Variants in TMTC1 observed in about 807,000 individuals in gnomAD.
TMTC1 encodes transmembrane O-mannosyltransferase targeting cadherins 1.
Under a neutral mutation model 104.8 loss-of-function variants are expected in TMTC1, and 73 were observed. The ratio of observed to expected loss-of-function variants is 0.70; its 90% CI spans 0.58 to 0.85. TMTC1 has a LOEUF of 0.85. Ranked by LOEUF, TMTC1 falls within the 40% of genes least tolerant of loss-of-function variation. The probability of loss-of-function intolerance (pLI) is 0.00; values close to 1 mark genes in which losing one functional copy is unlikely to be tolerated. For missense variants in TMTC1, 1,035 were observed against 1,096.1 expected (o/e 0.94, Z 0.79); for synonymous variants, 434 against 428.7 (o/e 1.01, Z -0.15).
chr12:29,762,493 T>A (rs1438468097), intron 2 of TMTC1, among the ~76,000 whole-genome samples: 1 of 152,240 alleles, frequency 6.6e-6, no homozygotes, highest in African/African-American at 2.4e-5. Flanking sequence ...GGTATCTTAA[T>A]TGTGAACTTT....
intron 5 of TMTC1, among the ~76,000 whole-genome samples, chr12:29,684,637 G>A (rs1335085356): frequency 6.6e-6 from 1 of 152,012 alleles, no homozygotes; most frequent in East Asian, 1.9e-4. Context: ...AAAATACACT[G>A]ATCATTGGTG....
chr12:29,515,032 TC>T lies in TMTC1; in HGVS notation c.2308-429del, dbSNP rs1354180120. ...CTTGTCTCAAATATATATACATTCT[TC>T]ATTATCTTTGATTTTCTCACTGGGA... On this transcript the variant is annotated intron_variant, in intron 15 of 17. Coordinates refer to ENST00000539277, the MANE Select transcript of TMTC1 (RefSeq NM_001193451.2). Among the ~76,000 whole-genome samples the T allele has an allele frequency of 3.9e-5, 6 of 152,144 alleles. No homozygotes were observed. In the South Asian group the frequency reaches 1.0e-3, roughly 26 times the overall value.
chr12:29,700,597 A>T (rs1941560517), intron 5 of TMTC1, among the ~76,000 whole-genome samples: 1 of 152,152 alleles, frequency 6.6e-6, no homozygotes, highest in Non-Finnish European at 1.5e-5. Context: ...TCTGGAGAGA[A>T]GCTGGAATTT....
chr12:29,710,955 T>TATA (rs1385515606), intron 5 of TMTC1, among the ~76,000 whole-genome samples: 1 of 65,766 alleles, frequency 1.5e-5, no homozygotes. Context: ...AATATATATA[T>TATA]AAATATATTA....
intron 5 of TMTC1, among the ~76,000 whole-genome samples, chr12:29,659,312 A>G (rs1313883751): frequency 6.6e-6 from 1 of 152,184 alleles, no homozygotes; most frequent in African/African-American, 2.4e-5. Context: ...GTGGAGGCCT[A>G]GTGGGAGGTG....
chr12:29,655,998 T>C (rs1939736053), intron 5 of TMTC1, among the ~76,000 whole-genome samples: 1 of 151,968 alleles, frequency 6.6e-6, no homozygotes, highest in African/African-American at 2.4e-5. Flanking sequence ...AGAAGAAGCA[T>C]CAAGGAGCCA....
At chr12:29,732,369 A>G (rs990065251) in intron 5 of TMTC1, among the ~76,000 whole-genome samples, 2 of 152,214 alleles carry the variant, frequency 1.3e-5, no homozygotes, top group African/African-American at 4.8e-5. Context: ...TTTCAGTGGG[A>G]GTGAGCAGAG....
At chr12:29,629,079 G>T (rs1489528493) in intron 6 of TMTC1, among the ~76,000 whole-genome samples, 5 of 151,956 alleles carry the variant, frequency 3.3e-5, no homozygotes. Context: ...CAGCACTGTG[G>T]GAGGCCGAGG....
intron 5 of TMTC1, among the ~76,000 whole-genome samples, chr12:29,731,588 T>C (rs1369355760): frequency 6.6e-6 from 1 of 152,190 alleles, no homozygotes; most frequent in East Asian, 1.9e-4. Context: ...TTTGAATTTT[T>C]GCAATCAGAC....
In TMTC1 at chr12:29,745,975, C is replaced by T. The variant is rs1592003491; in HGVS notation, c.938+5691G>A. ...AATTCCATAGTGAAATGTGGACCAG[C>T]TTATTTATACACAAAGCAAGGGAAG... On this transcript the variant is annotated intron_variant, in intron 5 of 17. Coordinates refer to ENST00000539277, the MANE Select transcript of TMTC1 (RefSeq NM_001193451.2). 2.0e-5 allele frequency among the ~76,000 whole-genome samples: 3 copies of T among 152,082 alleles called. No individual in the cohort carries two copies. In the South Asian group the frequency reaches 6.2e-4, roughly 32 times the overall value.
intron 5 of TMTC1, among the ~76,000 whole-genome samples, chr12:29,655,147 C>T (rs1434989001): frequency 2.6e-5 from 4 of 152,140 alleles, no homozygotes; most frequent in African/African-American, 9.7e-5. Flanking sequence ...TCCCAAAGTG[C>T]TGGGATTACA....
intron 10 of TMTC1, among the ~76,000 whole-genome samples, chr12:29,539,729 G>A (rs1241421420): frequency 6.6e-6 from 1 of 152,160 alleles, no homozygotes; most frequent in Non-Finnish European, 1.5e-5. Flanking sequence ...CTCTTAGTAG[G>A]ATGCCCTCCG....
At chr12:29,593,154 G>C (rs1282404679) in intron 7 of TMTC1, among the ~76,000 whole-genome samples, 1 of 152,206 alleles carries the variant, frequency 6.6e-6, no homozygotes, top group Admixed American at 6.5e-5. Flanking sequence ...TCTGCCATCC[G>C]TGAGTTCTGT....
chr12:29,719,236 T>A (rs2136873548), intron 5 of TMTC1, among the ~76,000 whole-genome samples: 1 of 152,316 alleles, frequency 6.6e-6, no homozygotes, highest in Non-Finnish European at 1.5e-5. Flanking sequence ...TGGCATCTGG[T>A]TTTTATCTTT....
At chr12:29,523,090 A>T (rs1297560272) in intron 11 of TMTC1, among the ~76,000 whole-genome samples, 1 of 152,246 alleles carries the variant, frequency 6.6e-6, no homozygotes, top group Non-Finnish European at 1.5e-5. Flanking sequence ...TGGCATAAAC[A>T]GTTACACTTT....
chr12:29,756,469 A>G (rs1423978677), intron 3 of TMTC1, among the ~76,000 whole-genome samples: 1 of 152,264 alleles, frequency 6.6e-6, no homozygotes, highest in Non-Finnish European at 1.5e-5. Context: ...CCAAAATATA[A>G]TAAGCATTTC....
At chr12:29,719,242 T>C (rs1942168297) in intron 5 of TMTC1, among the ~76,000 whole-genome samples, 1 of 152,214 alleles carries the variant, frequency 6.6e-6, no homozygotes, top group African/African-American at 2.4e-5. Flanking sequence ...CTGGTTTTTA[T>C]CTTTAAGCTT....
chr12:29,572,028 T>C (rs1268070083), intron 9 of TMTC1, 77 bp downstream of exon 9: 13 of 1,155,670 alleles, frequency 1.1e-5, no homozygotes, highest in Middle Eastern at 3.9e-4. Flanking sequence ...TCCCTCTCCA[T>C]ATACTGGGAG....
chr12:29,768,092 A>T lies in TMTC1; in HGVS notation c.303-17T>A, dbSNP rs754332582. 1 of 1,541,964 alleles carries T rather than the reference A, an allele frequency of 6.5e-7. No individual in the cohort carries two copies. The highest frequency in any genetic ancestry group is 1.3e-5 in the South Asian group (1 of 79,878). ...ATGTTTAGCCTGTAAAACAAAAGAA[A>T]AAAGAAAAAAACTGCATTAGCTACA... On this transcript the variant is annotated splice_polypyrimidine_tract_variant and intron_variant, in intron 1 of 17. Coordinates refer to ENST00000539277, the MANE Select transcript of TMTC1 (RefSeq NM_001193451.2).
Sources: allele counts gnomAD v4.1 joint callset (sites outside exome capture counted in the v4.1 genomes callset), GRCh38; gene constraint gnomAD v4.1.1; transcripts MANE v1.5; gene names NCBI Gene and HGNC (gene_info 2026-07-23, HGNC 2026-07-21).